Variants in ADAMTS7 observed in about 807,000 individuals in gnomAD.
ADAMTS7 encodes A disintegrin and metalloproteinase with thrombospondin motifs 7.
Under a neutral mutation model 172.6 loss-of-function variants are expected in ADAMTS7, and 89 were observed. That is an observed-to-expected ratio of 0.52 (90% confidence interval 0.43 to 0.61). The LOEUF (loss-of-function observed/expected upper bound fraction) is 0.61. Ranked by LOEUF, ADAMTS7 falls within the 20% of genes least tolerant of loss-of-function variation. The pLI, the probability that ADAMTS7 is intolerant of heterozygous loss-of-function variation, is 0.00. For missense variants in ADAMTS7, 1,973 were observed against 2,355.6 expected (o/e 0.84, Z 3.36); for synonymous variants, 885 against 978.4 (o/e 0.90, Z 1.78).
intron 10 of ADAMTS7, chr15:78,776,537 G>A: frequency 1.2e-6 from 1 of 817,900 alleles, no homozygotes. Context: ...CAGCCCACAT[G>A]CTGACTCAGC....
Position 78,774,690 on chromosome 15 carries a change from A to G in ADAMTS7, c.1810T>C (p.Cys604Arg). The G allele has an allele frequency of 6.2e-7, 1 of 1,611,680 alleles. No individual in the cohort carries two copies. Among genetic ancestry groups the G allele is most frequent in the Non-Finnish European group, 8.5e-7 (1 of 1,179,804 alleles). The change falls in exon 12 of 24, where the codon TGC (cysteine) becomes CGC (arginine). Residue 604 changes from cysteine (C) to arginine (R), a missense_variant. Around this residue, in one of 8 missense-constraint regions of ADAMTS7, gnomAD observed 526 missense variants for 662.9 expected, o/e 0.79. Coordinates refer to ENST00000388820, the MANE Select transcript of ADAMTS7 (RefSeq NM_014272.5). Reference sequence around the variant, plus strand: ...TAGAGCATAGCGTCAAAGTGGCTGCACTGGACGTGGCGGAAGGAGGGGCGG... The same window carrying G: ...TAGAGCATAGCGTCAAAGTGGCTGCGCTGGACGTGGCGGAAGGAGGGGCGG... ...AGRPSFRHVQ[C>R]SHFDAMLYKG...
intron 8 of ADAMTS7, among the ~76,000 whole-genome samples, chr15:78,778,544 G>A (rs886293582): frequency 7.9e-5 from 12 of 152,218 alleles, no homozygotes; most frequent in Non-Finnish European, 1.6e-4. Context: ...ACTGGAGGAA[G>A]GTTTGCTGCC....
At position 78,810,945 on chromosome 15, in the gene ADAMTS7, C is replaced by A. The variant is rs2055858172; in HGVS notation, c.100+176G>T. On this transcript the variant is annotated intron_variant, in intron 1 of 23. Transcript: ENST00000388820. ...TTCCCCAGAAGCGCGGCTTCGCTCC[C>A]GGCCCGGCCCGACCCCGACTACTGT... The A allele has an allele frequency of 7.3e-6, 5 of 680,490 alleles. No homozygotes were observed. The Middle Eastern group carries it at 1.4e-3, about 189-fold the overall frequency. 42.2% of individuals were successfully genotyped at this position (680,490 alleles called of 1,614,324 possible).
chr15:78,806,969 G>T (rs950269730), intron 1 of ADAMTS7, among the ~76,000 whole-genome samples: 3 of 152,142 alleles, frequency 2.0e-5, no homozygotes, highest in African/African-American at 7.2e-5. Context: ...GTTTCGCCAT[G>T]TTGGCCAGGC....
chr15:78,761,642 G>A (rs2055044362), intron 23 of ADAMTS7, among the ~76,000 whole-genome samples: 1 of 152,230 alleles, frequency 6.6e-6, no homozygotes, highest in African/African-American at 2.4e-5. Flanking sequence ...GGTGAGGGGA[G>A]CCTAGGTGAC....
At chr15:78,777,915 C>T (rs28700877) in intron 8 of ADAMTS7, among the ~76,000 whole-genome samples, 17,722 of 152,256 alleles carry the variant, frequency 0.12, 2,604 homozygotes, top group East Asian at 0.37. Flanking sequence ...GCTCTCCGAC[C>T]CTGCAGCCTC....
chr15:78,774,115 G>A (rs2055297786), intron 13 of ADAMTS7, 52 bp downstream of exon 13: 1 of 1,581,756 alleles, frequency 6.3e-7, no homozygotes, highest in African/African-American at 1.3e-5. Flanking sequence ...GGGCCTGCCA[G>A]TGGGGCTGGG....
rs759891772 is a variant in ADAMTS7 at position 78,796,592 on chromosome 15, T to C, written c.817A>G (p.Met273Val). Residue 273 changes from methionine (M) to valine (V), a missense_variant and splice_region_variant, in exon 4 of 24, where the codon ATG becomes GTG. Met to Val is a conservative substitution (Grantham distance 21). Around this residue, in one of 8 missense-constraint regions of ADAMTS7, gnomAD observed 526 missense variants for 662.9 expected, o/e 0.79. Coordinates refer to ENST00000388820, the MANE Select transcript of ADAMTS7 (RefSeq NM_014272.5). ...VESYVLTIMN[M>V]VAGLFHDPSI... is the part of the protein sequence containing the mutation. ...GCTCCTGGCCCACACAGACTCACCATGTTCATGATGGTCAGCACATAGCTC... is the reference window on the plus strand; with the variant it reads ...GCTCCTGGCCCACACAGACTCACCACGTTCATGATGGTCAGCACATAGCTC... The C allele has an allele frequency of 3.9e-6, 6 of 1,555,018 alleles. No homozygotes were observed. Among genetic ancestry groups the C allele is most frequent in the Admixed American group, 1.7e-5 (1 of 58,158 alleles).
rs759740590 is a variant in ADAMTS7, at chr15:78,771,190, C to T, written c.2490G>A (p.Trp830Ter). The change falls in exon 16 of 24, where the codon TGG becomes TGA. Residue 830 changes from tryptophan (W) to a stop codon, truncating the protein, a stop_gained. Transcript: ENST00000388820. LOFTEE classifies it high-confidence loss of function. This position sits in a 1 kb window ranked among gnomAD's most constrained non-coding sequence, Gnocchi z 4.9. ...TGCCGCAGGTGACTGTGCACTTGGTCCAGGGCCCATAATGCCAGGAGAACA... is the reference window on the plus strand; with the variant it reads ...TGCCGCAGGTGACTGTGCACTTGGTTCAGGGCCCATAATGCCAGGAGAACA... Reference protein sequence around the residue: ...PPVFSWHYGPWTKCTVTCGRG... With the variant: ...PPVFSWHYGP 6.2e-7 allele frequency: 1 copy of T among 1,611,276 alleles called. No homozygotes were observed. Among genetic ancestry groups the T allele is most frequent in the Non-Finnish European group, 8.5e-7 (1 of 1,179,452 alleles).
intron 13 of ADAMTS7, among the ~76,000 whole-genome samples, chr15:78,773,487 G>A (rs1430521133): frequency 1.3e-5 from 2 of 151,760 alleles, no homozygotes; most frequent in South Asian, 2.1e-4. Flanking sequence ...CAAAGCCTGC[G>A]GGCAGGCAGG....
chr15:78,790,023 G>A (rs913732156), intron 6 of ADAMTS7, among the ~76,000 whole-genome samples, 185 bp from the exon 7 acceptor site: 8 of 152,236 alleles, frequency 5.3e-5, no homozygotes, highest in African/African-American at 1.9e-4. Context: ...ACACACAACC[G>A]GCTGGGCATC....
chr15:78,802,415 C>T (rs1187036167), intron 1 of ADAMTS7, among the ~76,000 whole-genome samples: 1 of 152,214 alleles, frequency 6.6e-6, no homozygotes, highest in Non-Finnish European at 1.5e-5. Flanking sequence ...GTCTCCAGGC[C>T]TCCTGGATTG....
At position 78,800,424 on chromosome 15, in the gene ADAMTS7, C is replaced by A. The variant is rs1476196206; in HGVS notation, c.224G>T (p.Arg75Leu). Residue 75 changes from arginine (R) to leucine (L), a missense_variant, in exon 2 of 24, where the codon CGC becomes CTC. By Grantham distance (102) the Arg-to-Leu change is moderately radical. Coordinates refer to ENST00000388820, the MANE Select transcript of ADAMTS7 (RefSeq NM_014272.5). ...RALRKRDVSV[R>L]RDAPAFYELQ... Reference sequence around the variant, plus strand: ...CTCGTAGAAGGCGGGCGCGTCTCGGCGCACAGATACATCCCGCTTGCGCAG... The same window carrying A: ...CTCGTAGAAGGCGGGCGCGTCTCGGAGCACAGATACATCCCGCTTGCGCAG... 6.2e-7 allele frequency: 1 copy of A among 1,610,036 alleles called. No homozygotes were observed. Among genetic ancestry groups the A allele is most frequent in the South Asian group, 1.1e-5 (1 of 90,710 alleles).
At position 78,774,200 on chromosome 15, in the gene ADAMTS7, G is replaced by A; in HGVS notation, c.1977C>T (p.Ala659=). 1 of 1,590,992 alleles carries A rather than the reference G, an allele frequency of 6.3e-7. No individual in the cohort carries two copies. The highest frequency in any genetic ancestry group is 1.1e-5 in the South Asian group (1 of 89,474). ...TGCCGTTGATGCAGAGGTCCCGGCT[G>A]GCTCGGACCTGGTAGCAGGGGGTGC... ...VDGTPCYQVR[A]SRDLCINGIC... Residue 659 remains alanine, a synonymous_variant, in exon 13 of 24, where the codon GCC becomes GCT. Transcript: ENST00000388820.
intron 12 of ADAMTS7, 106 bp from the exon 13 acceptor site, chr15:78,774,406 C>T (rs2055304445): frequency 7.0e-7 from 1 of 1,427,924 alleles, no homozygotes; most frequent in African/African-American, 1.4e-5. Flanking sequence ...TGGAGGCTCC[C>T]AAGCAGCACC....
Position 78,763,751 on chromosome 15 carries a change from C to G in ADAMTS7, c.4688G>C (p.Arg1563Pro). ...CGTGCAGGGGTGGGTGTTGCAGGGCCGGGTGGTGTTGGGTCTCAGCGCCTC... is the reference window on the plus strand; with the variant it reads ...CGTGCAGGGGTGGGTGTTGCAGGGCGGGGTGGTGTTGGGTCTCAGCGCCTC... Reference protein sequence around the residue: ...CEEALRPNTTRPCNTHPCTQW... With the variant: ...CEEALRPNTTPPCNTHPCTQW... The change falls in exon 22 of 24, where the codon CGG (arginine) becomes CCG (proline). Residue 1563 changes from arginine to proline, a missense_variant. By Grantham distance (103) the Arg-to-Pro change is moderately radical (BLOSUM62 -2). This residue lies in a region of ADAMTS7 where 218 missense variants were observed against 216.9 expected (regional missense o/e 1.01). Coordinates refer to ENST00000388820, the MANE Select transcript of ADAMTS7 (RefSeq NM_014272.5). 6.3e-7 allele frequency: 1 copy of G among 1,597,766 alleles called. No homozygotes were observed. The highest frequency in any genetic ancestry group is 8.5e-7 in the Non-Finnish European group (1 of 1,174,598).
intron 5 of ADAMTS7, 73 bp from the exon 6 acceptor site, chr15:78,790,867 C>T (rs533503003): frequency 3.6e-5 from 57 of 1,591,190 alleles, no homozygotes; most frequent in South Asian, 1.6e-4. Context: ...CTCCCCCATA[C>T]GAAGGCAGGA....
Position 78,790,805 on chromosome 15 carries a change from A to C in ADAMTS7, c.904-11T>G, listed in dbSNP as rs1473925270. On this transcript the variant is annotated splice_polypyrimidine_tract_variant and intron_variant, in intron 5 of 23. Coordinates refer to ENST00000388820, the MANE Select transcript of ADAMTS7 (RefSeq NM_014272.5). ...GATCTTTAGGTCCTCCTGGGGGCAG[A>C]GAGAGTGACTGCTCATGCCTCCCCT... 1.2e-6 allele frequency: 2 copies of C among 1,612,952 alleles called. No individual in the cohort carries two copies. Among genetic ancestry groups the C allele is most frequent in the Admixed American group, 1.7e-5 (1 of 59,992 alleles).
At chr15:78,790,169 G>A (rs906585897) in intron 6 of ADAMTS7, among the ~76,000 whole-genome samples, 4 of 152,262 alleles carry the variant, frequency 2.6e-5, no homozygotes, top group Admixed American at 2.6e-4. Flanking sequence ...CCGGAGGTTA[G>A]GGGAGGAAGG....
Sources: allele counts gnomAD v4.1 joint callset (sites outside exome capture counted in the v4.1 genomes callset), GRCh38; gene constraint gnomAD v4.1.1; regional missense constraint gnomAD v4.1.1; non-coding constraint Gnocchi (gnomAD v3.1); transcripts MANE v1.5; gene names NCBI Gene and HGNC (gene_info 2026-07-23, HGNC 2026-07-21).